SLC38A1: variants seen among roughly 807,000 people sequenced by gnomAD.
SLC38A1 encodes solute carrier family 38 member 1.
In SLC38A1, 18 loss-of-function variants were observed where a neutral mutation model predicts 60.3. That is an observed-to-expected ratio of 0.30 (90% CI 0.21 to 0.44). SLC38A1 has a LOEUF of 0.44. SLC38A1 is among the 20% of genes least tolerant of loss of function. The probability of loss-of-function intolerance (pLI) is 1.00; values close to 1 mark genes in which losing one functional copy is unlikely to be tolerated. For synonymous variants in SLC38A1, 196 were observed against 212.1 expected (o/e 0.92, Z 0.66); for missense variants, 448 against 587.2 (o/e 0.76, Z 2.45).
chr12:46,247,760 C>A (rs979417974), intron 1 of SLC38A1, among the ~76,000 whole-genome samples: 17 of 152,008 alleles, frequency 1.1e-4, no homozygotes, highest in African/African-American at 3.4e-4. Context: ...GAAATGAAGG[C>A]AAAAATGTTA....
At chr12:46,230,986 AT>A (rs1941053670) in intron 3 of SLC38A1, among the ~76,000 whole-genome samples, 1 of 152,240 alleles carries the variant, frequency 6.6e-6, no homozygotes, top group Non-Finnish European at 1.5e-5. Flanking sequence ...TATCAAAAAA[AT>A]ACCTGCATTC....
chr12:46,248,045 T>C (rs984517393), intron 1 of SLC38A1, among the ~76,000 whole-genome samples: 16 of 152,090 alleles, frequency 1.1e-4, no homozygotes, highest in Non-Finnish European at 1.6e-4. Context: ...GCACTAAACA[T>C]GGAAAGGAAC....
chr12:46,224,045 A>G (rs1940768601), intron 5 of SLC38A1, among the ~76,000 whole-genome samples: 1 of 152,210 alleles, frequency 6.6e-6, no homozygotes, highest in Admixed American at 6.5e-5. Context: ...GTCAATATTG[A>G]TTTCTAATTC....
At chr12:46,237,630 G>A (rs965930232) in intron 3 of SLC38A1, among the ~76,000 whole-genome samples, 1 of 151,798 alleles carries the variant, frequency 6.6e-6, no homozygotes, top group Non-Finnish European at 1.5e-5. Flanking sequence ...CCTAAGTTGC[G>A]GGTGAGAATA....
chr12:46,222,121 T>C (rs1212634618), intron 5 of SLC38A1, among the ~76,000 whole-genome samples: 1 of 152,104 alleles, frequency 6.6e-6, no homozygotes, highest in Non-Finnish European at 1.5e-5. Flanking sequence ...TCTAGCTTCA[T>C]GGTCTAACTA....
At chr12:46,221,010 A>C (rs1274178242) in intron 5 of SLC38A1, among the ~76,000 whole-genome samples, 1 of 152,152 alleles carries the variant, frequency 6.6e-6, no homozygotes, top group African/African-American at 2.4e-5. Context: ...TAAAACACTA[A>C]ATTTAAAGAG....
intron 16 of SLC38A1, among the ~76,000 whole-genome samples, 183 bp from the exon 17 acceptor site, chr12:46,189,254 T>C (rs968486227): frequency 6.7e-6 from 1 of 150,172 alleles, no homozygotes; most frequent in African/African-American, 2.5e-5. Context: ...TCTGCAAGGA[T>C]GGGAAAATAG....
chr12:46,192,360 T>C (rs969777453), intron 16 of SLC38A1, among the ~76,000 whole-genome samples: 17 of 152,362 alleles, frequency 1.1e-4, no homozygotes, highest in African/African-American at 4.1e-4. Flanking sequence ...GATTTTCAAA[T>C]CAATGTTCCT....
intron 2 of SLC38A1, among the ~76,000 whole-genome samples, chr12:46,240,578 GCA>G (rs1487029878): frequency 1.3e-5 from 2 of 152,202 alleles, no homozygotes; most frequent in Non-Finnish European, 2.9e-5. Flanking sequence ...GGTACAGACT[GCA>G]CAGACACAAA....
At chr12:46,228,666 A>C (rs1256211172) in intron 5 of SLC38A1, among the ~76,000 whole-genome samples, 2 of 152,204 alleles carry the variant, frequency 1.3e-5, no homozygotes, top group East Asian at 3.8e-4. Flanking sequence ...TTTTCATTGA[A>C]TCTCAGTGGG....
At chr12:46,201,763 A>G (rs1939669498) in intron 12 of SLC38A1, among the ~76,000 whole-genome samples, 1 of 151,496 alleles carries the variant, frequency 6.6e-6, no homozygotes, top group African/African-American at 2.4e-5. Flanking sequence ...GGTTGGGATG[A>G]CCCTCTAAGT....
intron 1 of SLC38A1, among the ~76,000 whole-genome samples, chr12:46,260,677 G>T (rs1309979395): frequency 6.6e-6 from 1 of 152,168 alleles, no homozygotes; most frequent in African/African-American, 2.4e-5. Context: ...TTCTGTTAAA[G>T]ATATAATGCA....
At chr12:46,227,750 C>T (rs1940921432) in intron 5 of SLC38A1, among the ~76,000 whole-genome samples, 1 of 152,016 alleles carries the variant, frequency 6.6e-6, no homozygotes, top group Non-Finnish European at 1.5e-5. Flanking sequence ...TGGAGGTTGG[C>T]CTGGTTCTGA....
At chr12:46,190,991 T>A (rs1190060712) in intron 16 of SLC38A1, among the ~76,000 whole-genome samples, 3 of 152,176 alleles carry the variant, frequency 2.0e-5, no homozygotes, top group Non-Finnish European at 4.4e-5. Flanking sequence ...TGTGTTTTAA[T>A]CATGAAGTCT....
At chr12:46,193,361 A>G (rs1939225896) in intron 16 of SLC38A1, among the ~76,000 whole-genome samples, 1 of 152,148 alleles carries the variant, frequency 6.6e-6, no homozygotes, top group African/African-American at 2.4e-5. Flanking sequence ...TTATGTGGCC[A>G]ATTTTAGAAT....
At chr12:46,192,505 G>T (rs1939187240) in intron 16 of SLC38A1, among the ~76,000 whole-genome samples, 1 of 152,172 alleles carries the variant, frequency 6.6e-6, no homozygotes. Context: ...CAGGAGGAAT[G>T]GTACCAGCTC....
At chr12:46,266,893 G>A (rs551799794) in intron 1 of SLC38A1, among the ~76,000 whole-genome samples, 50 of 152,260 alleles carry the variant, frequency 3.3e-4, no homozygotes, top group African/African-American at 1.1e-3. Context: ...GCCATTTTGA[G>A]GCTGGGGTCG....
At chr12:46,258,262 C>T (rs559954556) in intron 1 of SLC38A1, among the ~76,000 whole-genome samples, 1 of 152,300 alleles carries the variant, frequency 6.6e-6, no homozygotes, top group Non-Finnish European at 1.5e-5. Flanking sequence ...CTTTAACCAT[C>T]TGGAAACGCA....
intron 16 of SLC38A1, among the ~76,000 whole-genome samples, chr12:46,194,578 G>A (rs1212267040): frequency 4.6e-5 from 7 of 152,142 alleles, no homozygotes; most frequent in South Asian, 2.1e-4. Context: ...CCAGTCAAAC[G>A]TATATTTGGT....
Sources: allele counts gnomAD v4.1 joint callset (sites outside exome capture counted in the v4.1 genomes callset), GRCh38; gene constraint gnomAD v4.1.1; transcripts MANE v1.5; gene names NCBI Gene and HGNC (gene_info 2026-07-23, HGNC 2026-07-21).